The following CAMK4 variants were observed in gnomAD, a reference collection of about 807,000 sequenced individuals.
CAMK4 encodes the protein calcium/calmodulin dependent protein kinase IV, also known as calcium/calmodulin-dependent protein kinase type IV.
Under a neutral mutation model 44.9 loss-of-function variants are expected in CAMK4, and 22 were observed. That is an observed-to-expected ratio of 0.49 (90% CI 0.35 to 0.70). The LOEUF is 0.70. Among genes scored for constraint, CAMK4 ranks in the 30% least tolerant of loss-of-function variants. CAMK4 has a pLI of 0.01. For synonymous variants in CAMK4, 218 were observed against 215.4 expected, an observed-to-expected ratio of 1.01 and a Z score of -0.11; for missense variants, 498 against 586.8, an observed-to-expected ratio of 0.85 and a Z score of 1.56.
At chr5:111,341,379 G>A (rs1000383878) in intron 1 of CAMK4, among the ~76,000 whole-genome samples, 5 of 150,904 alleles carry the variant, frequency 3.3e-5, no homozygotes, top group African/African-American at 1.2e-4. Flanking sequence ...TTTAATATAA[G>A]GTGTGAGGTA....
chr5:111,453,074 A>C (rs542814367), intron 7 of CAMK4, among the ~76,000 whole-genome samples: 2 of 152,358 alleles, frequency 1.3e-5, no homozygotes, highest in East Asian at 1.9e-4. Context: ...TTTAGCAGAC[A>C]AAGGTTCCAT....
chr5:111,320,407 G>A (rs73786899), intron 1 of CAMK4, among the ~76,000 whole-genome samples: 6,457 of 152,220 alleles, frequency 0.042, 477 homozygotes, highest in African/African-American at 0.15. Context: ...GAGTAGAAAC[G>A]GAAATGATAG....
intron 6 of CAMK4, among the ~76,000 whole-genome samples, chr5:111,448,370 C>G (rs1410124132): frequency 6.6e-6 from 1 of 152,134 alleles, no homozygotes; most frequent in Non-Finnish European, 1.5e-5. Context: ...TGATGAAAGT[C>G]TATTTTTTTT....
rs537962487 is a variant in CAMK4 at position 111,371,875 on chromosome 5, A to G, written c.241-2975A>G. Among the ~76,000 whole-genome samples, 112 of 152,250 alleles carry G rather than the reference A, an allele frequency of 7.4e-4. 1 individual carries two copies. Among genetic ancestry groups the G allele is most frequent in the Non-Finnish European group, 1.3e-3 (87 of 68,016 alleles). On this transcript the variant is annotated intron_variant, in intron 2 of 10. Transcript: ENST00000282356. ...TACTTTCCTTCAAATTATATCACCAATGACATCAAAACAATTGACAAGGTT... is the reference window on the plus strand; with the variant it reads ...TACTTTCCTTCAAATTATATCACCAGTGACATCAAAACAATTGACAAGGTT...
intron 1 of CAMK4, among the ~76,000 whole-genome samples, chr5:111,326,670 G>A (rs1261787984): frequency 7.7e-6 from 1 of 130,226 alleles, no homozygotes; most frequent in Non-Finnish European, 1.6e-5. Flanking sequence ...CTGTGTGTGT[G>A]TAAAGCTATA....
intron 5 of CAMK4, among the ~76,000 whole-genome samples, chr5:111,408,542 C>G (rs1041271977): frequency 6.6e-6 from 1 of 152,166 alleles, no homozygotes; most frequent in Admixed American, 6.5e-5. Context: ...GGTGGGGACA[C>G]AAAGCCTAAC....
At chr5:111,347,957 A>T (rs1443810678) in intron 2 of CAMK4, among the ~76,000 whole-genome samples, 1 of 152,022 alleles carries the variant, frequency 6.6e-6, no homozygotes, top group Non-Finnish European at 1.5e-5. Context: ...TAATAAGGAA[A>T]CCCATCTAAT....
chr5:111,424,048 A>G (rs957869027), intron 5 of CAMK4, among the ~76,000 whole-genome samples: 5 of 152,236 alleles, frequency 3.3e-5, no homozygotes, highest in Non-Finnish European at 7.3e-5. Context: ...AAGTGACTCC[A>G]GAGTTTATAT....
chr5:111,318,216 G>A (rs1014784125), intron 1 of CAMK4, among the ~76,000 whole-genome samples: 1 of 152,134 alleles, frequency 6.6e-6, no homozygotes, highest in East Asian at 1.9e-4. Flanking sequence ...GCCTGAAAAA[G>A]GTGATCAGAA....
In CAMK4 at chr5:111,489,313, G is replaced by C. The variant is rs374614113; in HGVS notation, c.*4847G>C. 1 of 152,096 alleles carries C rather than the reference G, an allele frequency of 6.6e-6. No individual in the cohort carries two copies. Among genetic ancestry groups the C allele is most frequent in the Non-Finnish European group, 1.5e-5 (1 of 68,028 alleles). The allele number at this position is 152,096 out of a possible 1,614,324, so 9.4% of individuals were successfully genotyped here. On this transcript the variant is annotated 3_prime_UTR_variant, in exon 11 of 11. Coordinates refer to ENST00000282356, the MANE Select transcript of CAMK4 (RefSeq NM_001744.6). ...AAACCACCCACAGTAACCAAGTTCA[G>C]TATTTCCTCTTTCTATATTTTGACC... is the stretch of plus-strand genomic sequence containing the variant.
rs7718131 is a variant in CAMK4 at position 111,480,098 on chromosome 5, C to G, written c.828+1591C>G. On this transcript the variant is annotated intron_variant, in intron 9 of 10. Coordinates refer to ENST00000282356, the MANE Select transcript of CAMK4 (RefSeq NM_001744.6). ...CCACTCTCTCCTGTGCCATCACTCA[C>G]TTCACATCTCTCCCCTTTGATCACT... Among the ~76,000 whole-genome samples the G allele has an allele frequency of 5.9e-3, 902 of 152,254 alleles. 10 individuals carry two copies. The highest frequency in any genetic ancestry group is 0.02 in the African/African-American group (849 of 41,546).
intron 1 of CAMK4, among the ~76,000 whole-genome samples, chr5:111,243,743 C>A (rs2052859): frequency 6.6e-6 from 1 of 152,142 alleles, no homozygotes; most frequent in African/African-American, 2.4e-5. Context: ...TCCTAGCCGG[C>A]GGTTCTTTCC....
intron 1 of CAMK4, among the ~76,000 whole-genome samples, chr5:111,266,745 A>G (rs1192370190): frequency 6.6e-6 from 1 of 152,214 alleles, no homozygotes; most frequent in Non-Finnish European, 1.5e-5. Context: ...TCACTCAAAT[A>G]TTTTGATTGG....
intron 2 of CAMK4, among the ~76,000 whole-genome samples, chr5:111,360,766 G>A (rs897944380): frequency 6.6e-6 from 1 of 152,034 alleles, no homozygotes; most frequent in Non-Finnish European, 1.5e-5. Context: ...GTCTTTCAGA[G>A]AAAAGTGAAG....
intron 9 of CAMK4, 22 bp downstream of exon 9, chr5:111,478,529 T>C (rs756742251): frequency 1.5e-6 from 2 of 1,321,624 alleles, no homozygotes; most frequent in Non-Finnish European, 2.1e-6. Flanking sequence ...CAAAACAAAA[T>C]GAAACAAAAT....
intron 5 of CAMK4, among the ~76,000 whole-genome samples, chr5:111,396,179 T>C (rs1278623815): frequency 6.6e-6 from 1 of 152,184 alleles, no homozygotes; most frequent in Non-Finnish European, 1.5e-5. Context: ...ACCAAATTTG[T>C]TATTGAGCTA....
chr5:111,449,060 G>C, intron 6 of CAMK4, 69 bp from the exon 7 acceptor site: 1 of 717,752 alleles, frequency 1.4e-6, no homozygotes, highest in Non-Finnish European at 2.4e-6. Flanking sequence ...TTTTATTTTT[G>C]AATAACAAAT....
chr5:111,329,529 T>C (rs994330215), intron 1 of CAMK4, among the ~76,000 whole-genome samples: 1 of 151,768 alleles, frequency 6.6e-6, no homozygotes, highest in African/African-American at 2.4e-5. Flanking sequence ...TAAGAGAAAA[T>C]AATATTATAG....
chr5:111,248,722 T>C (rs1188487241), intron 1 of CAMK4, among the ~76,000 whole-genome samples: 1 of 152,184 alleles, frequency 6.6e-6, no homozygotes, highest in Non-Finnish European at 1.5e-5. Context: ...TATTATCAGA[T>C]CAAACAGAGA....
Sources: gnomAD v4.1 joint callset for allele counts (sites outside exome capture counted in the v4.1 genomes callset) on GRCh38, gnomAD v4.1.1 for gene constraint, MANE v1.5 for transcripts, NCBI Gene and HGNC (gene_info 2026-07-23, HGNC 2026-07-21) for gene names.